CNNM2: variants seen among roughly 807,000 people sequenced by gnomAD.
CNNM2 encodes cyclin and CBS domain divalent metal cation transport mediator 2.
A neutral mutation model predicts 66.9 loss-of-function variants in CNNM2; 12 were observed. The observed-to-expected ratio is 0.18, with a 90% CI of 0.11 to 0.29. The LOEUF is 0.29. Among genes scored for constraint, CNNM2 ranks in the 10% least tolerant of loss-of-function variants. The pLI is 1.00. For missense variants in CNNM2, 705 were observed against 1,167.7 expected (o/e 0.60, Z 5.77); for synonymous variants, 557 against 501.8 (o/e 1.11, Z -1.47).
rs1228935825 is a variant in CNNM2 at position 102,941,095 on chromosome 10, T to TG, written c.1621+20995dup. Among the ~76,000 whole-genome samples the TG allele has an allele frequency of 2.6e-5, 4 of 152,184 alleles. No homozygotes were observed. In the East Asian group the frequency reaches 7.7e-4, roughly 29 times the overall value. Reference sequence around the variant, plus strand: ...TAGAAATACATTTTAAATTAATGCATGAATCAGTCTATTTTGATTATCATT... The same window carrying TG: ...TAGAAATACATTTTAAATTAATGCATGGAATCAGTCTATTTTGATTATCATT... On this transcript the variant is annotated intron_variant, in intron 1 of 7. Coordinates refer to ENST00000369878, the MANE Select transcript of CNNM2 (RefSeq NM_017649.5).
chr10:102,950,519 G>GGGA (rs1365643420), intron 1 of CNNM2, among the ~76,000 whole-genome samples: 14 of 152,186 alleles, frequency 9.2e-5, no homozygotes, highest in Non-Finnish European at 1.9e-4. Context: ...TTAGCACTTT[G>GGGA]GGAGGCTTGA....
chr10:102,950,073 G>T (rs546973588), intron 1 of CNNM2, among the ~76,000 whole-genome samples: 52 of 152,208 alleles, frequency 3.4e-4, no homozygotes, highest in Non-Finnish European at 6.6e-4. Context: ...GACAGCTCCT[G>T]TCGTGGAGAT....
intron 1 of CNNM2, among the ~76,000 whole-genome samples, chr10:102,993,561 G>A (rs2063934030): frequency 6.6e-6 from 1 of 152,038 alleles, no homozygotes; most frequent in Non-Finnish European, 1.5e-5. Context: ...TGCTTATAGT[G>A]GATTGTTTCC....
At chr10:103,070,886 C>T (rs1471907950) in intron 5 of CNNM2, among the ~76,000 whole-genome samples, 1 of 152,058 alleles carries the variant, frequency 6.6e-6, no homozygotes, top group Non-Finnish European at 1.5e-5. Context: ...GCGCAGAGCA[C>T]GCCACTGTAC....
intron 4 of CNNM2, among the ~76,000 whole-genome samples, chr10:103,063,672 C>T (rs2065427892): frequency 6.6e-6 from 1 of 152,204 alleles, no homozygotes. Context: ...AGGAAGCCAA[C>T]TTTGCTGGTC....
intron 6 of CNNM2, among the ~76,000 whole-genome samples, chr10:103,075,601 T>G (rs2065676369): frequency 6.6e-6 from 1 of 152,240 alleles, no homozygotes; most frequent in Non-Finnish European, 1.5e-5. Flanking sequence ...CTAGAGGGTA[T>G]GGTATGAGCA....
At chr10:102,998,827 CA>C (rs923968304) in intron 1 of CNNM2, among the ~76,000 whole-genome samples, 12 of 152,068 alleles carry the variant, frequency 7.9e-5, no homozygotes, top group South Asian at 4.2e-4. Context: ...AAAAGACAAA[CA>C]AAAAAACCTA....
At chr10:102,961,922 A>C (rs1564822150) in intron 1 of CNNM2, among the ~76,000 whole-genome samples, 1 of 151,792 alleles carries the variant, frequency 6.6e-6, no homozygotes. Flanking sequence ...AATATTAAAA[A>C]AAAATAAGAA....
chr10:102,995,826 G>A (rs746845771), intron 1 of CNNM2, among the ~76,000 whole-genome samples: 1 of 151,786 alleles, frequency 6.6e-6, no homozygotes, highest in Non-Finnish European at 1.5e-5. Flanking sequence ...TCAGCCTCCC[G>A]AGTAGCCGGG....
chr10:103,090,023 C>A lies in CNNM2; in HGVS notation c.*12843C>A, dbSNP rs1482925851. ...ATGCAATTACATCTATAATGGACCACAGGACAAGTCAATATAGACTTATCT... is the reference window on the plus strand; with the variant it reads ...ATGCAATTACATCTATAATGGACCAAAGGACAAGTCAATATAGACTTATCT... On this transcript the variant is annotated 3_prime_UTR_variant, in exon 8 of 8. Coordinates refer to ENST00000369878, the MANE Select transcript of CNNM2 (RefSeq NM_017649.5). The A allele has an allele frequency of 1.4e-6, 1 of 711,262 alleles. No homozygotes were observed. Among genetic ancestry groups the A allele is most frequent in the African/African-American group, 1.8e-5 (1 of 55,856 alleles). 44.1% of individuals were successfully genotyped at this position (711,262 alleles called of 1,614,324 possible). A position where few individuals can be genotyped will look rare whatever the true frequency, so the allele number is the denominator to read the frequency against.
intron 1 of CNNM2, among the ~76,000 whole-genome samples, chr10:102,978,100 A>G (rs1174752130): frequency 1.3e-5 from 2 of 151,820 alleles, no homozygotes; most frequent in Non-Finnish European, 1.5e-5. Flanking sequence ...TAGTAGAGAC[A>G]GCGTTTCACC....
In CNNM2 at chr10:103,077,243, G is replaced by A; in HGVS notation, c.*63G>A. The A allele has an allele frequency of 6.9e-7, 1 of 1,448,816 alleles. No homozygotes were observed. Among genetic ancestry groups the A allele is most frequent in the Non-Finnish European group, 9.6e-7 (1 of 1,045,194 alleles). 89.7% of individuals were successfully genotyped at this position (1,448,816 alleles called of 1,614,324 possible). On this transcript the variant is annotated 3_prime_UTR_variant, in exon 8 of 8. Coordinates refer to ENST00000369878, the MANE Select transcript of CNNM2 (RefSeq NM_017649.5). ...CAGTCCCGAGGGCCCGGCCCTGTCT[G>A]CCCATGACTTCACTGGTGTGAGCTT...
Position 103,089,968 on chromosome 10 carries a change from A to G in CNNM2, c.*12788A>G, listed in dbSNP as rs2066272449. The G allele has an allele frequency of 1.4e-6, 2 of 1,383,788 alleles. No individual in the cohort carries two copies. Among genetic ancestry groups the G allele is most frequent in the Non-Finnish European group, 2.0e-6 (2 of 1,014,460 alleles). The allele number at this position is 1,383,788 out of a possible 1,614,324, so 85.7% of individuals were successfully genotyped here. ...GCAGAGCAAAGTAGCTACTCCCCAA[A>G]TCCTAACCCCTCTCCTCTGTTAGGT... On this transcript the variant is annotated 3_prime_UTR_variant, in exon 8 of 8. Coordinates refer to ENST00000369878, the MANE Select transcript of CNNM2 (RefSeq NM_017649.5).
intron 1 of CNNM2, among the ~76,000 whole-genome samples, chr10:103,043,168 T>C (rs1046777480): frequency 1.3e-5 from 2 of 152,180 alleles, no homozygotes; most frequent in African/African-American, 4.8e-5. Context: ...TGGCTTGAGT[T>C]TCTCATGACG....
intron 1 of CNNM2, among the ~76,000 whole-genome samples, chr10:103,037,720 T>A (rs2064968048): frequency 6.6e-6 from 1 of 152,222 alleles, no homozygotes; most frequent in African/African-American, 2.4e-5. Context: ...ATCTTTTAGC[T>A]CAGAAAGTTG....
intron 1 of CNNM2, among the ~76,000 whole-genome samples, chr10:103,031,975 G>A (rs1397272308): frequency 6.6e-6 from 1 of 152,202 alleles, no homozygotes; most frequent in Non-Finnish European, 1.5e-5. Context: ...GTGTCTGCCT[G>A]CACTGATGCA....
chr10:103,060,846 C>G (rs1283120676), intron 4 of CNNM2, among the ~76,000 whole-genome samples: 1 of 152,014 alleles, frequency 6.6e-6, no homozygotes, highest in Non-Finnish European at 1.5e-5. Flanking sequence ...TGCGCATGTA[C>G]TATTTAATTT....
At chr10:102,987,343 C>G (rs531590998) in intron 1 of CNNM2, among the ~76,000 whole-genome samples, 1 of 151,930 alleles carries the variant, frequency 6.6e-6, no homozygotes, top group Non-Finnish European at 1.5e-5. Context: ...TATTTTGAGA[C>G]GGAGTCTCGC....
At chr10:103,023,497 G>A (rs564927263) in intron 1 of CNNM2, among the ~76,000 whole-genome samples, 2 of 152,266 alleles carry the variant, frequency 1.3e-5, no homozygotes, top group East Asian at 1.9e-4. Flanking sequence ...TTGGTGAGCC[G>A]AGATCGTGCC....
Sources: gnomAD v4.1 joint callset for allele counts (sites outside exome capture counted in the v4.1 genomes callset) on GRCh38, gnomAD v4.1.1 for gene constraint, MANE v1.5 for transcripts, NCBI Gene and HGNC (gene_info 2026-07-23, HGNC 2026-07-21) for gene names.